Variants in CREB5 observed in about 807,000 individuals in gnomAD.
CREB5 encodes the protein cyclic AMP-responsive element-binding protein 5.
A neutral mutation model predicts 57.1 loss-of-function variants in CREB5; 19 were observed. That is an observed-to-expected ratio of 0.33 (90% confidence interval 0.23 to 0.49). CREB5 has a LOEUF of 0.49. Ranked by LOEUF, CREB5 falls within the 20% of genes least tolerant of loss-of-function variation. The probability of loss-of-function intolerance (pLI) is 0.99; values close to 1 mark genes in which losing one functional copy is unlikely to be tolerated. For synonymous variants in CREB5, 238 were observed against 238.3 expected (o/e 1.00, Z 0.01); for missense variants, 579 against 671.6 (o/e 0.86, Z 1.52).
chr7:28,742,093 G>T (rs941839653), intron 7 of CREB5, among the ~76,000 whole-genome samples: 1 of 147,928 alleles, frequency 6.8e-6, no homozygotes, highest in African/African-American at 2.5e-5. Flanking sequence ...AAAATCCATA[G>T]TGTGGTGTTC....
rs532685409 is a variant in CREB5, at chr7:28,387,860, T to C, written c.-25+88419T>C. 3.9e-5 allele frequency among the ~76,000 whole-genome samples: 6 copies of C among 152,280 alleles called. No individual in the cohort carries two copies. In the South Asian group the frequency reaches 1.0e-3, roughly 26 times the overall value. On this transcript the variant is annotated intron_variant, in intron 1 of 9. Transcript: ENST00000396299. Reference sequence around the variant, plus strand: ...AAATATGTGGTGTTTTGAGAGTACCTTATTACTTTCTCAGGTTTTTATTTC... The same window carrying C: ...AAATATGTGGTGTTTTGAGAGTACCCTATTACTTTCTCAGGTTTTTATTTC...
chr7:28,351,811 G>A (rs1239988196), intron 1 of CREB5, among the ~76,000 whole-genome samples: 2 of 152,130 alleles, frequency 1.3e-5, no homozygotes, highest in South Asian at 2.1e-4. Flanking sequence ...AGAAAGTTAT[G>A]TGGTCCATAT....
At chr7:28,578,737 A>G (rs1005269987) in intron 5 of CREB5, among the ~76,000 whole-genome samples, 2 of 152,230 alleles carry the variant, frequency 1.3e-5, no homozygotes, top group African/African-American at 4.8e-5. Flanking sequence ...TATTCATGTA[A>G]TCAGATACTT....
chr7:28,310,335 T>C (rs955684911), intron 1 of CREB5, among the ~76,000 whole-genome samples: 8 of 152,234 alleles, frequency 5.3e-5, no homozygotes, highest in Admixed American at 3.9e-4. Flanking sequence ...TGAGAGTTTA[T>C]AGCACAAAGA....
intron 5 of CREB5, among the ~76,000 whole-genome samples, chr7:28,634,994 G>T (rs1421028108): frequency 6.6e-6 from 1 of 152,172 alleles, no homozygotes; most frequent in Non-Finnish European, 1.5e-5. Flanking sequence ...AAGAAATTTG[G>T]AGGCAGGTAG....
At chr7:28,598,498 T>C (rs1229910588) in intron 5 of CREB5, among the ~76,000 whole-genome samples, 1 of 152,202 alleles carries the variant, frequency 6.6e-6, no homozygotes, top group Non-Finnish European at 1.5e-5. Flanking sequence ...ACTTGGCCTG[T>C]GGATTATTTC....
At chr7:28,691,095 G>A (rs1222869544) in intron 5 of CREB5, among the ~76,000 whole-genome samples, 1 of 152,180 alleles carries the variant, frequency 6.6e-6, no homozygotes, top group African/African-American at 2.4e-5. Context: ...ATTCAGTTAT[G>A]AGAACTGAAT....
intron 5 of CREB5, among the ~76,000 whole-genome samples, chr7:28,675,208 G>T (rs1024919208): frequency 1.6e-4 from 25 of 152,134 alleles, no homozygotes; most frequent in Non-Finnish European, 3.7e-4. Context: ...CCATTATCAC[G>T]ATCTAAAGTA....
At chr7:28,763,246 G>A (rs1805766900) in intron 7 of CREB5, among the ~76,000 whole-genome samples, 1 of 152,154 alleles carries the variant, frequency 6.6e-6, no homozygotes, top group South Asian at 2.1e-4. Flanking sequence ...ATGTGCCTCT[G>A]CATCCTTAGT....
chr7:28,615,996 C>G (rs529221659), intron 5 of CREB5: 5 of 152,348 alleles, frequency 3.3e-5, no homozygotes, highest in Admixed American at 1.3e-4. Flanking sequence ...AATCACAGAT[C>G]TGAGTTCTCC....
chr7:28,729,368 C>T (rs1803491582), intron 7 of CREB5, among the ~76,000 whole-genome samples: 3 of 152,198 alleles, frequency 2.0e-5, no homozygotes, highest in Admixed American at 2.0e-4. Flanking sequence ...CTTCTGTCGG[C>T]TCGTGGTTTC....
chr7:28,314,119 A>T (rs1785332192), intron 1 of CREB5, among the ~76,000 whole-genome samples: 1 of 152,184 alleles, frequency 6.6e-6, no homozygotes, highest in Admixed American at 6.5e-5. Context: ...TTCCAAGGAA[A>T]AAGCAGGTAT....
intron 5 of CREB5, among the ~76,000 whole-genome samples, chr7:28,592,216 GC>G (rs1796545935): frequency 6.6e-6 from 1 of 152,138 alleles, no homozygotes; most frequent in Admixed American, 6.5e-5. Context: ...CCTAATGCAG[GC>G]CATGTGAACA....
At chr7:28,359,703 AG>A (rs1786428835) in intron 1 of CREB5, among the ~76,000 whole-genome samples, 1 of 152,238 alleles carries the variant, frequency 6.6e-6, no homozygotes, top group Non-Finnish European at 1.5e-5. Context: ...AGGCAATGAA[AG>A]CAAAAATAGA....
intron 5 of CREB5, chr7:28,685,932 T>C: frequency 1.9e-6 from 1 of 516,732 alleles, no homozygotes; most frequent in Non-Finnish European, 3.4e-6. Context: ...GTGACTTCAC[T>C]AGCACTGAGC....
intron 5 of CREB5, among the ~76,000 whole-genome samples, chr7:28,625,601 G>T (rs147327856): frequency 6.6e-6 from 1 of 152,302 alleles, no homozygotes; most frequent in African/African-American, 2.4e-5. Context: ...ATTTCTGTTT[G>T]CTGAATTCCA....
At chr7:28,358,011 C>T (rs146752821) in intron 1 of CREB5, among the ~76,000 whole-genome samples, 4 of 152,116 alleles carry the variant, frequency 2.6e-5, no homozygotes, top group Admixed American at 6.5e-5. Context: ...AAAAAGAGCC[C>T]GAGTTTTGGG....
chr7:28,511,429 G>A (rs969845228), intron 4 of CREB5, among the ~76,000 whole-genome samples: 4 of 152,180 alleles, frequency 2.6e-5, no homozygotes, highest in African/African-American at 9.7e-5. Context: ...CAGATCCTGG[G>A]AGGCCTTGTA....
intron 5 of CREB5, among the ~76,000 whole-genome samples, chr7:28,665,231 G>A (rs1423412416): frequency 2.0e-5 from 3 of 152,136 alleles, no homozygotes; most frequent in Admixed American, 6.5e-5. Flanking sequence ...TGGGGAGGAT[G>A]GGGTAGGGGA....
Sources: gnomAD v4.1 joint callset for allele counts (sites outside exome capture counted in the v4.1 genomes callset) on GRCh38, gnomAD v4.1.1 for gene constraint, MANE v1.5 for transcripts, NCBI Gene and HGNC (gene_info 2026-07-23, HGNC 2026-07-21) for gene names.